DGKB: variants seen among roughly 807,000 people sequenced by gnomAD.
The protein encoded by DGKB is 90 kDa diacylglycerol kinase.
Under a neutral mutation model 114.3 loss-of-function variants are expected in DGKB, and 67 were observed. That is an observed-to-expected ratio of 0.59 (90% confidence interval 0.48 to 0.72). The LOEUF (loss-of-function observed/expected upper bound fraction) is 0.72. DGKB is among the 30% of genes least tolerant of loss of function. The pLI is 0.00. For synonymous variants in DGKB, 398 were observed against 323.1 expected (o/e 1.23, Z -2.49); for missense variants, 907 against 975.2 (o/e 0.93, Z 0.93).
At chr7:14,746,802 T>C (rs1225914636) in intron 4 of DGKB, among the ~76,000 whole-genome samples, 1 of 152,104 alleles carries the variant, frequency 6.6e-6, no homozygotes, top group East Asian at 1.9e-4. Context: ...CCCAGCCAAT[T>C]TGCCTTTTTA....
intron 20 of DGKB, among the ~76,000 whole-genome samples, chr7:14,493,458 G>T (rs372584301): frequency 1.3e-4 from 20 of 151,992 alleles, no homozygotes; most frequent in African/African-American, 4.8e-4. Flanking sequence ...ACGTGAATGT[G>T]GTGTTTATCT....
chr7:14,806,967 A>G (rs1175760828), intron 2 of DGKB, among the ~76,000 whole-genome samples: 1 of 152,004 alleles, frequency 6.6e-6, no homozygotes, highest in African/African-American at 2.4e-5. Context: ...TATTCTGCCA[A>G]GTTTGCAAAC....
chr7:14,634,571 C>G (rs1031934666), intron 13 of DGKB, among the ~76,000 whole-genome samples: 1 of 150,430 alleles, frequency 6.6e-6, no homozygotes, highest in African/African-American at 2.4e-5. Flanking sequence ...AACACAATAA[C>G]TTCCAGTGTA....
chr7:14,598,362 GAA>G (rs1563635319), intron 17 of DGKB, among the ~76,000 whole-genome samples: 2 of 152,152 alleles, frequency 1.3e-5, no homozygotes, highest in African/African-American at 4.8e-5. Flanking sequence ...CACTAATTTT[GAA>G]AAGTCATTTG....
chr7:14,392,995 G>GTTTTTGTTTTTTTT, intron 21 of DGKB, among the ~76,000 whole-genome samples: 5 of 60,540 alleles, frequency 8.3e-5, no homozygotes, highest in Non-Finnish European at 1.0e-4. Context: ...TTTTGTTTTT[G>GTTTTTGTTTTTTTT]TTTTTTTTTT....
Position 14,549,222 on chromosome 7 carries a change from C to T in DGKB, c.1770+24990G>A, listed in dbSNP as rs183011303. ...AGTGAGTCAAGTGCTGCAAAACACT[C>T]AGAAAGATGGTACTATTGAACTGGT... is the stretch of plus-strand genomic sequence containing the variant. On this transcript the variant is annotated intron_variant, in intron 20 of 25. Coordinates refer to ENST00000402815, the MANE Select transcript of DGKB (RefSeq NM_001350709.2). 1.2e-4 allele frequency among the ~76,000 whole-genome samples: 18 copies of T among 152,124 alleles called. No homozygotes were observed. The East Asian group carries it at 3.5e-3, about 30-fold the overall frequency.
intron 20 of DGKB, among the ~76,000 whole-genome samples, chr7:14,542,361 C>T (rs1793604562): frequency 6.6e-6 from 1 of 152,018 alleles, no homozygotes; most frequent in African/African-American, 2.4e-5. Context: ...TCTGCATCTA[C>T]TTATCTTCTG....
At chr7:14,873,331 A>C (rs1044972736) in intron 1 of DGKB, among the ~76,000 whole-genome samples, 8 of 152,108 alleles carry the variant, frequency 5.3e-5, no homozygotes, top group Admixed American at 5.2e-4. Context: ...ACAAATAGGC[A>C]TTTTCATATT....
chr7:14,593,090 G>C (rs1801969734), intron 17 of DGKB, among the ~76,000 whole-genome samples: 1 of 151,888 alleles, frequency 6.6e-6, no homozygotes, highest in Non-Finnish European at 1.5e-5. Flanking sequence ...CCAGAAATAA[G>C]TTTTAGAGTA....
intron 2 of DGKB, among the ~76,000 whole-genome samples, chr7:14,836,831 C>A (rs1049953265): frequency 2.6e-5 from 4 of 152,196 alleles, no homozygotes; most frequent in African/African-American, 9.6e-5. Flanking sequence ...GCGGAGGCTG[C>A]CAATTACACC....
In DGKB at chr7:14,392,995, G is replaced by GTTTTTGTTTTTTTTTTTT; in HGVS notation, c.1836-47605_1836-47604insAAAAAAAAAAAACAAAAA. Among the ~76,000 whole-genome samples the GTTTTTGTTTTTTTTTTTT allele has an allele frequency of 1.9e-3, 116 of 60,442 alleles. 3 individuals carry two copies. Among genetic ancestry groups the GTTTTTGTTTTTTTTTTTT allele is most frequent in the Non-Finnish European group, 2.5e-3 (73 of 28,986 alleles). 39.7% of individuals were successfully genotyped at this position (60,442 alleles called of 152,430 possible). A position where few individuals can be genotyped will look rare whatever the true frequency, so the allele number is the denominator to read the frequency against. ...CAAAACAGACCTGTTTTTTGTTTTT[G>GTTTTTGTTTTTTTTTTTT]TTTTTTTTTTTTTGAGACGGAGTCT... On this transcript the variant is annotated intron_variant, in intron 21 of 25. Transcript: ENST00000402815.
At chr7:14,574,459 G>T in intron 19 of DGKB, 87 bp from the exon 20 acceptor site, 2 of 1,070,354 alleles carry the variant, frequency 1.9e-6, no homozygotes, top group Non-Finnish European at 1.4e-6. Context: ...TTATGCATAT[G>T]TAATATTCTA....
At chr7:14,813,137 G>A (rs1843656927) in intron 2 of DGKB, among the ~76,000 whole-genome samples, 1 of 152,170 alleles carries the variant, frequency 6.6e-6, no homozygotes, top group African/African-American at 2.4e-5. Flanking sequence ...GAGGAATTCA[G>A]TAATTTTATT....
chr7:14,639,046 A>C (rs1811257268), intron 13 of DGKB, among the ~76,000 whole-genome samples: 1 of 149,722 alleles, frequency 6.7e-6, no homozygotes, highest in Non-Finnish European at 1.5e-5. Flanking sequence ...CTCAAAAATA[A>C]ATAAATAAGT....
chr7:14,220,458 C>G (rs960917386), intron 23 of DGKB, among the ~76,000 whole-genome samples: 1 of 151,352 alleles, frequency 6.6e-6, no homozygotes, highest in African/African-American at 2.4e-5. Context: ...TATGGACTCC[C>G]AATTCTATGC....
intron 1 of DGKB, among the ~76,000 whole-genome samples, chr7:14,942,047 TTTA>T (rs2128255133): frequency 6.6e-6 from 1 of 152,150 alleles, no homozygotes; most frequent in East Asian, 1.9e-4. Flanking sequence ...AAATGGCAGA[TTTA>T]TTGTTTGTCC....
intron 17 of DGKB, among the ~76,000 whole-genome samples, chr7:14,604,160 A>G (rs986670994): frequency 1.3e-4 from 20 of 152,150 alleles, no homozygotes; most frequent in African/African-American, 4.8e-4. Flanking sequence ...GAAAGAGACT[A>G]TTGTTTCAGA....
At chr7:14,508,849 T>G (rs1179083801) in intron 20 of DGKB, among the ~76,000 whole-genome samples, 1 of 152,192 alleles carries the variant, frequency 6.6e-6, no homozygotes, top group Admixed American at 6.5e-5. Flanking sequence ...CATTCTGACG[T>G]TTTACAGAAT....
intron 25 of DGKB, among the ~76,000 whole-genome samples, chr7:14,155,646 C>T (rs1020455708): frequency 4.6e-5 from 7 of 151,916 alleles, no homozygotes; most frequent in Non-Finnish European, 1.5e-5. Context: ...AGAGTGGAGG[C>T]AGATTTAAGA....
Sources: allele counts gnomAD v4.1 joint callset (sites outside exome capture counted in the v4.1 genomes callset), GRCh38; gene constraint gnomAD v4.1.1; transcripts MANE v1.5; gene names NCBI Gene and HGNC (gene_info 2026-07-23, HGNC 2026-07-21).